Variants in SLCO2B1 observed in about 807,000 individuals in gnomAD.
SLCO2B1 encodes the protein solute carrier organic anion transporter family member 2B1.
Under a neutral mutation model 67.3 loss-of-function variants are expected in SLCO2B1, and 41 were observed. The ratio of observed to expected loss-of-function variants is 0.61; its 90% CI spans 0.47 to 0.79. The LOEUF (loss-of-function observed/expected upper bound fraction) is 0.79. Ranked by LOEUF, SLCO2B1 falls within the 30% of genes least tolerant of loss-of-function variation. SLCO2B1 has a pLI of 0.00. For missense variants in SLCO2B1, 837 were observed against 920.1 expected (o/e 0.91, Z 1.17); for synonymous variants, 379 against 381.4 (o/e 0.99, Z 0.07).
At chr11:75,201,044 T>TTTTTTTA (rs1945173683) in intron 11 of SLCO2B1, 1 of 148,680 alleles carries the variant, frequency 6.7e-6, no homozygotes, top group African/African-American at 2.5e-5. Context: ...TTTTTTTTTT[T>TTTTTTTA]GAGATGCAGT....
In SLCO2B1 at chr11:75,188,168, G is replaced by A; in HGVS notation, c.1005G>A (p.Gly335=). The A allele has an allele frequency of 3.7e-6, 6 of 1,614,008 alleles. No individual in the cohort carries two copies. Among genetic ancestry groups the A allele is most frequent in the Non-Finnish European group, 5.1e-6 (6 of 1,179,938 alleles). ...GKDSPSKQSP[G]ESTKKQDGLV... is the part of the protein sequence containing the mutation. ...ACTCTCCCTCTAAGCAGAGCCCTGG[G>A]GAGTCCACGAAGAAGCAGGATGGCC... Residue 335 remains glycine (G), a synonymous_variant, in exon 8 of 14, where the codon GGG becomes GGA. Transcript: ENST00000289575.
chr11:75,190,086 C>G (rs144269313), intron 8 of SLCO2B1, among the ~76,000 whole-genome samples: 1 of 152,294 alleles, frequency 6.6e-6, no homozygotes, highest in East Asian at 1.9e-4. Flanking sequence ...ACGCAGCGGC[C>G]GGGACTCCCT....
intron 7 of SLCO2B1, among the ~76,000 whole-genome samples, chr11:75,180,915 A>G (rs1950084185): frequency 6.6e-6 from 1 of 152,248 alleles, no homozygotes; most frequent in Admixed American, 6.5e-5. Context: ...CAGGAAAAAT[A>G]TAAATAAGAG....
rs140987364 is a variant in SLCO2B1, at chr11:75,204,527, C to G, written c.2077C>G (p.Gln693Glu). The G allele has an allele frequency of 5.3e-4, 859 of 1,613,180 alleles. No individual in the cohort carries two copies. The highest frequency in any genetic ancestry group is 6.6e-4 in the Non-Finnish European group (783 of 1,179,548). ...KESRSSPAVE[Q>E]QLLVSGPGKK... ...GAGCAGATCCAGCCCTGCCGTAGAG[C>G]AGCAATTGCTAGTGTCGGGGCCAGG... The change falls in exon 14 of 14, where the codon CAG becomes GAG. Residue 693 changes from glutamine (Q) to glutamate (E), a missense_variant. By Grantham distance (29) the Gln-to-Glu change is conservative. Coordinates refer to ENST00000289575, the MANE Select transcript of SLCO2B1 (RefSeq NM_007256.5).
At chr11:75,176,942 C>T (rs1476518167) in intron 7 of SLCO2B1, among the ~76,000 whole-genome samples, 2 of 152,196 alleles carry the variant, frequency 1.3e-5, no homozygotes, top group African/African-American at 4.8e-5. Flanking sequence ...ACCACGGGCC[C>T]TTGCACCTGT....
intron 11 of SLCO2B1, 120 bp downstream of exon 11, chr11:75,200,507 C>T: frequency 2.0e-6 from 2 of 987,836 alleles, no homozygotes; most frequent in Admixed American, 2.7e-5. Flanking sequence ...CTGGCCCCCA[C>T]AATATGGCCT....
chr11:75,166,448 ATGTTCAGCCCAG>A (rs1278606988), intron 4 of SLCO2B1, among the ~76,000 whole-genome samples: 24 of 152,210 alleles, frequency 1.6e-4, no homozygotes, highest in Non-Finnish European at 2.6e-4. Flanking sequence ...TGGTGAAGCC[ATGTTCAGCCCAG>A]TGGGATTTTG....
chr11:75,186,730 A>C (rs1387574027), intron 7 of SLCO2B1, among the ~76,000 whole-genome samples: 1 of 151,982 alleles, frequency 6.6e-6, no homozygotes, highest in African/African-American at 2.4e-5. Context: ...ACTAAATTAC[A>C]CTCCACTTGC....
chr11:75,169,049 T>A (rs748175894), intron 4 of SLCO2B1, 124 bp from the exon 5 acceptor site: 2 of 750,238 alleles, frequency 2.7e-6, no homozygotes, highest in Non-Finnish European at 4.2e-6. Context: ...GCACTCACCC[T>A]TGAGGTTTGT....
At chr11:75,176,348 G>A (rs1401256381) in intron 7 of SLCO2B1, among the ~76,000 whole-genome samples, 4 of 152,192 alleles carry the variant, frequency 2.6e-5, no homozygotes, top group Non-Finnish European at 1.5e-5. Flanking sequence ...GCAAGCCTGT[G>A]CCATGAGGAC....
chr11:75,189,399 G>A (rs1487093938), intron 8 of SLCO2B1, among the ~76,000 whole-genome samples: 1 of 152,094 alleles, frequency 6.6e-6, no homozygotes. Flanking sequence ...TGTCTCAAGG[G>A]CTATTACGAG....
At chr11:75,184,351 C>T (rs1301978595) in intron 7 of SLCO2B1, among the ~76,000 whole-genome samples, 4 of 152,200 alleles carry the variant, frequency 2.6e-5, no homozygotes, top group African/African-American at 7.2e-5. Context: ...ATAAGGTTTG[C>T]CTCAGACCTA....
intron 3 of SLCO2B1, among the ~76,000 whole-genome samples, 181 bp downstream of exon 3, chr11:75,164,281 C>T (rs893857732): frequency 1.3e-5 from 2 of 152,210 alleles, no homozygotes; most frequent in Non-Finnish European, 2.9e-5. Context: ...AGGACTTGGA[C>T]TTGGCTGTCT....
chr11:75,197,887 T>C (rs921006878), intron 10 of SLCO2B1, among the ~76,000 whole-genome samples: 17 of 152,202 alleles, frequency 1.1e-4, no homozygotes, highest in African/African-American at 3.9e-4. Context: ...CTCCCCTTTT[T>C]CCTCAGTTCC....
intron 1 of SLCO2B1, among the ~76,000 whole-genome samples, chr11:75,152,981 C>G (rs747033865): frequency 2.2e-4 from 33 of 152,134 alleles, no homozygotes; most frequent in Non-Finnish European, 4.6e-4. Context: ...AAGTTCAGAT[C>G]CGGCTCCAGC....
chr11:75,193,732 T>A lies in SLCO2B1; in HGVS notation c.1433+157T>A, dbSNP rs1318798628. ...CCCTTTAGAGATTCGAGTCAAGCAGTGGGGTGCTCCAGAAGGCTCCAGGGT... is the reference window on the plus strand; with the variant it reads ...CCCTTTAGAGATTCGAGTCAAGCAGAGGGGTGCTCCAGAAGGCTCCAGGGT... On this transcript the variant is annotated intron_variant, in intron 9 of 13. Coordinates refer to ENST00000289575, the MANE Select transcript of SLCO2B1 (RefSeq NM_007256.5). This position sits in a 1 kb window ranked among gnomAD's most constrained non-coding sequence, Gnocchi z 4.2. Among the ~76,000 whole-genome samples the A allele has an allele frequency of 4.6e-5, 7 of 152,076 alleles. No individual in the cohort carries two copies. The highest frequency in any genetic ancestry group is 1.0e-4 in the Non-Finnish European group (7 of 67,990).
chr11:75,161,312 T>A (rs1443516208), intron 1 of SLCO2B1, among the ~76,000 whole-genome samples: 1 of 152,184 alleles, frequency 6.6e-6, no homozygotes, highest in Non-Finnish European at 1.5e-5. Context: ...TGACTACAGA[T>A]GGGTACGGGA....
chr11:75,162,822 G>A lies in SLCO2B1; in HGVS notation c.147+37G>A, dbSNP rs1340829709. 13 of 1,600,130 alleles carry A rather than the reference G, an allele frequency of 8.1e-6. 1 individual carries two copies. Among genetic ancestry groups the A allele is most frequent in the African/African-American group, 8.1e-5 (6 of 74,278 alleles). On this transcript the variant is annotated intron_variant, in intron 2 of 13. Transcript: ENST00000289575. Reference sequence around the variant, plus strand: ...GGCCTGGCAGGGGCCTCCGAGTCTAGAAGAGCAGGCTCTGCCACGTGCTGG... The same window carrying A: ...GGCCTGGCAGGGGCCTCCGAGTCTAAAAGAGCAGGCTCTGCCACGTGCTGG...
At chr11:75,196,733 T>G in intron 10 of SLCO2B1, 54 bp downstream of exon 10, 1 of 1,526,740 alleles carries the variant, frequency 6.5e-7, no homozygotes, top group Non-Finnish European at 9.0e-7. Flanking sequence ...GCCTGCCCTG[T>G]CTCTGTGGGC....
Sources: gnomAD v4.1 joint callset for allele counts (sites outside exome capture counted in the v4.1 genomes callset) on GRCh38, gnomAD v4.1.1 for gene constraint, Gnocchi (gnomAD v3.1) non-coding constraint, MANE v1.5 for transcripts, NCBI Gene and HGNC (gene_info 2026-07-23, HGNC 2026-07-21) for gene names.